Variants in MACROD2 observed in about 807,000 individuals in gnomAD.
The protein encoded by MACROD2 is mono-ADP ribosylhydrolase 2.
A neutral mutation model predicts 70.4 loss-of-function variants in MACROD2; 36 were observed. The observed-to-expected ratio is 0.51, with a 90% CI of 0.39 to 0.68. The LOEUF is 0.68. Among genes scored for constraint, MACROD2 ranks in the 30% least tolerant of loss-of-function variants. MACROD2 has a pLI of 0.00. For synonymous variants in MACROD2, 172 were observed against 178.8 expected (o/e 0.96, Z 0.30); for missense variants, 496 against 538.4 (o/e 0.92, Z 0.78).
Position 15,797,442 on chromosome 20 carries a change from C to T in MACROD2, c.646-65303C>T, listed in dbSNP as rs1485803128. 2.0e-5 allele frequency among the ~76,000 whole-genome samples: 3 copies of T among 152,094 alleles called. No homozygotes were observed. In the East Asian group the frequency reaches 5.8e-4, roughly 29 times the overall value. ...GGGGTTCTATCTTTATGCTAGTGACCCCATGGTTACAAAGTAGCTGTGATA... is the reference window on the plus strand; with the variant it reads ...GGGGTTCTATCTTTATGCTAGTGACTCCATGGTTACAAAGTAGCTGTGATA... On this transcript the variant is annotated intron_variant, in intron 8 of 17. Transcript: ENST00000684519.
chr20:15,511,314 G>A (rs749254469), intron 8 of MACROD2, among the ~76,000 whole-genome samples: 11 of 152,030 alleles, frequency 7.2e-5, no homozygotes, highest in East Asian at 1.9e-4. Flanking sequence ...TCTTCCAATC[G>A]GTCCAAATTT....
chr20:15,729,771 C>G (rs2050917146), intron 8 of MACROD2, among the ~76,000 whole-genome samples: 1 of 144,886 alleles, frequency 6.9e-6, no homozygotes, highest in Non-Finnish European at 1.5e-5. Flanking sequence ...TTACTTTGAG[C>G]CTATGGGTGT....
At chr20:15,316,346 T>C (rs1297169776) in intron 6 of MACROD2, among the ~76,000 whole-genome samples, 3 of 151,852 alleles carry the variant, frequency 2.0e-5, no homozygotes, top group African/African-American at 7.2e-5. Context: ...AGCAAAAATA[T>C]GGATAAAGAT....
At chr20:15,227,371 C>T (rs777526494) in intron 5 of MACROD2, among the ~76,000 whole-genome samples, 38 of 151,786 alleles carry the variant, frequency 2.5e-4, no homozygotes, top group Non-Finnish European at 4.6e-4. Flanking sequence ...TCCCTTCTCC[C>T]TCCCTCTTTC....
At chr20:14,634,295 A>G (rs1984667819) in intron 4 of MACROD2, among the ~76,000 whole-genome samples, 1 of 152,228 alleles carries the variant, frequency 6.6e-6, no homozygotes, top group Admixed American at 6.5e-5. Flanking sequence ...TGGACACTGA[A>G]TGAGCAAAGA....
Position 15,669,622 on chromosome 20 carries a change from AG to A in MACROD2, c.645+169778del, listed in dbSNP as rs2049950898. On this transcript the variant is annotated intron_variant, in intron 8 of 17. Coordinates refer to ENST00000684519, the MANE Select transcript of MACROD2 (RefSeq NM_001351661.2). ...CTAATATATGATCCTCCTTCCTGGAAGGGCACTTTGAGCTGGTCATTAGGGA... is the reference window on the plus strand; with the variant it reads ...CTAATATATGATCCTCCTTCCTGGAAGGCACTTTGAGCTGGTCATTAGGGA... 2.0e-5 allele frequency among the ~76,000 whole-genome samples: 3 copies of A among 152,332 alleles called. No homozygotes were observed. In the South Asian group the frequency reaches 6.2e-4, roughly 32 times the overall value.
intron 4 of MACROD2, among the ~76,000 whole-genome samples, chr20:14,555,648 C>T (rs975797762): frequency 2.6e-5 from 4 of 152,014 alleles, no homozygotes; most frequent in Admixed American, 2.6e-4. Flanking sequence ...TCCTTTTGTT[C>T]TCATAAAATA....
chr20:15,370,474 A>G (rs955714192), intron 6 of MACROD2, among the ~76,000 whole-genome samples: 26 of 152,076 alleles, frequency 1.7e-4, no homozygotes, highest in Non-Finnish European at 4.4e-5. Flanking sequence ...CTCCTTCTGA[A>G]GCTTACTGCC....
At chr20:15,792,417 G>C (rs2063632619) in intron 8 of MACROD2, among the ~76,000 whole-genome samples, 1 of 152,002 alleles carries the variant, frequency 6.6e-6, no homozygotes, top group Admixed American at 6.6e-5. Context: ...TAAAAATACA[G>C]TCTAAACATG....
intron 4 of MACROD2, among the ~76,000 whole-genome samples, chr20:14,545,068 A>C (rs1418662024): frequency 6.6e-6 from 1 of 152,202 alleles, no homozygotes; most frequent in African/African-American, 2.4e-5. Context: ...CCACTTGATG[A>C]AGATGGGAAC....
intron 5 of MACROD2, among the ~76,000 whole-genome samples, chr20:15,053,492 C>G (rs1407137401): frequency 1.3e-5 from 2 of 152,076 alleles, no homozygotes; most frequent in Non-Finnish European, 2.9e-5. Context: ...AACAAGAAAG[C>G]CTGGATGACA....
chr20:15,982,460 A>G (rs1471488264), intron 13 of MACROD2, among the ~76,000 whole-genome samples: 1 of 152,138 alleles, frequency 6.6e-6, no homozygotes, highest in Non-Finnish European at 1.5e-5. Flanking sequence ...TGCTTCGGCC[A>G]TGTGTGGACC....
chr20:14,902,949 TCA>T (rs960653205), intron 5 of MACROD2, among the ~76,000 whole-genome samples: 2 of 151,650 alleles, frequency 1.3e-5, no homozygotes, highest in African/African-American at 4.8e-5. Flanking sequence ...AGATTATAGG[TCA>T]CTTTTTTGCT....
chr20:15,552,696 C>G (rs1429416923), intron 8 of MACROD2: 2 of 152,136 alleles, frequency 1.3e-5, no homozygotes, highest in African/African-American at 4.8e-5. Context: ...CTAGAAGTGA[C>G]AAGAATTTAA....
At chr20:14,994,057 A>G (rs932518432) in intron 5 of MACROD2, among the ~76,000 whole-genome samples, 4 of 152,208 alleles carry the variant, frequency 2.6e-5, no homozygotes, top group African/African-American at 9.6e-5. Flanking sequence ...TGGAGAAGAC[A>G]TCCAAGAGTT....
intron 5 of MACROD2, among the ~76,000 whole-genome samples, chr20:15,031,709 A>T (rs1304888686): frequency 6.6e-6 from 1 of 152,150 alleles, no homozygotes; most frequent in Non-Finnish European, 1.5e-5. Context: ...TTATGGGCTC[A>T]GAAGGGAGGA....
chr20:14,242,362 A>G (rs1396199125), intron 3 of MACROD2, among the ~76,000 whole-genome samples: 2 of 152,182 alleles, frequency 1.3e-5, no homozygotes, highest in Non-Finnish European at 2.9e-5. Flanking sequence ...TTTCCTGCAC[A>G]CACAGTATTT....
chr20:15,358,759 G>A (rs1220093378), intron 6 of MACROD2, among the ~76,000 whole-genome samples: 2 of 151,896 alleles, frequency 1.3e-5, no homozygotes, highest in South Asian at 2.1e-4. Flanking sequence ...GCCTGCAGAC[G>A]GTTGACTTCT....
At chr20:14,637,677 A>T (rs1984856084) in intron 4 of MACROD2, among the ~76,000 whole-genome samples, 1 of 152,186 alleles carries the variant, frequency 6.6e-6, no homozygotes, top group East Asian at 1.9e-4. Context: ...ATTGGTGTCC[A>T]GGTGGTTGCT....
Sources: allele counts gnomAD v4.1 joint callset (sites outside exome capture counted in the v4.1 genomes callset), GRCh38; gene constraint gnomAD v4.1.1; transcripts MANE v1.5; gene names NCBI Gene and HGNC (gene_info 2026-07-23, HGNC 2026-07-21).